The following RHEBL1 variants were observed in gnomAD, a reference collection of about 807,000 sequenced individuals.
RHEBL1 encodes the protein RHEB like 1, also known as GTPase RhebL1.
RHEBL1 carries 22 observed loss-of-function variants against 27.4 expected under a neutral mutation model. The ratio of observed to expected loss-of-function variants is 0.80; its 90% CI spans 0.57 to 1.15. The LOEUF (loss-of-function observed/expected upper bound fraction) is 1.15. Among genes scored for constraint, RHEBL1 ranks in the 50% most tolerant of loss-of-function variants. The probability of loss-of-function intolerance (pLI) is 0.00; values close to 1 mark genes in which losing one functional copy is unlikely to be tolerated. For missense variants in RHEBL1, 186 were observed against 226.5 expected (o/e 0.82, Z 1.15); for synonymous variants, 85 against 80.8 (o/e 1.05, Z -0.28).
chr12:49,066,657 A>G lies in RHEBL1; in HGVS notation c.237T>C (p.His79=). ...TGACAGAATACACAAGCACATAACC[A>G]TGGACCCCAATGATGAATGAATAGG... The part of the protein sequence containing the change: ...ILPYSFIIGV[H]GYVLVYSVTS... The change falls in exon 4 of 8, where the codon CAT becomes CAC. Residue 79 remains histidine (H), a synonymous_variant. Coordinates refer to ENST00000301068, the MANE Select transcript of RHEBL1 (RefSeq NM_144593.3). 1.2e-6 allele frequency: 2 copies of G among 1,614,178 alleles called. No individual in the cohort carries two copies. Among genetic ancestry groups the G allele is most frequent in the Non-Finnish European group, 1.7e-6 (2 of 1,180,008 alleles).
At position 49,066,586 on chromosome 12, in the gene RHEBL1, C is replaced by A. The variant is rs747432276; in HGVS notation, c.275+33G>T. On this transcript the variant is annotated intron_variant, in intron 4 of 7. Transcript: ENST00000301068. ...TTTATGAGACAGTCCTCAGGTTCTC[C>A]CAAGTCCCGCACTCACAACCTTGGT... 18 of 1,613,416 alleles carry A rather than the reference C, an allele frequency of 1.1e-5. No individual in the cohort carries two copies. In the East Asian group the frequency reaches 4.0e-4, roughly 36 times the overall value.
At chr12:49,067,790 A>C (rs1253770166) in intron 2 of RHEBL1, among the ~76,000 whole-genome samples, 17 of 152,196 alleles carry the variant, frequency 1.1e-4, no homozygotes, top group Non-Finnish European at 2.9e-5. Context: ...AAAGAAAAGA[A>C]AAATAAAGTA....
intron 3 of RHEBL1, 54 bp downstream of exon 3, chr12:49,066,914 C>T (rs750224650): frequency 1.2e-4 from 174 of 1,426,466 alleles, no homozygotes; most frequent in Non-Finnish European, 1.6e-4. Flanking sequence ...GACTACCAGA[C>T]TTCATCTCCG....
At chr12:49,068,256 A>C (rs1218214929) in intron 2 of RHEBL1, among the ~76,000 whole-genome samples, 1 of 151,288 alleles carries the variant, frequency 6.6e-6, no homozygotes, top group Non-Finnish European at 1.5e-5. Context: ...CAGCCTCCCG[A>C]GTAGATGGGA....
rs749802586 is a variant in RHEBL1, at chr12:49,066,991, G to A, written c.169C>T (p.His57Tyr). Residue 57 changes from histidine (H) to tyrosine (Y), a missense_variant, in exon 3 of 8, where the codon CAT becomes TAT. His to Tyr is a moderately conservative substitution (Grantham distance 83, BLOSUM62 2). Transcript: ENST00000301068. ...ACCTGCCCTGCTGTGTCCACCAGATGTAGGTGAAACTCATCTTTGCCAAGA... is the reference window on the plus strand; with the variant it reads ...ACCTGCCCTGCTGTGTCCACCAGATATAGGTGAAACTCATCTTTGCCAAGA... ...VTLGKDEFHLHLVDTAGQDEY... is the reference protein window; with the variant it reads ...VTLGKDEFHLYLVDTAGQDEY... 5 of 1,613,836 alleles carry A rather than the reference G, an allele frequency of 3.1e-6. No homozygotes were observed. The highest frequency in any genetic ancestry group is 1.3e-5 in the African/African-American group (1 of 75,010).
intron 1 of RHEBL1, 141 bp downstream of exon 1, chr12:49,069,593 T>A (rs554578849): frequency 3.0e-6 from 2 of 663,540 alleles, no homozygotes; most frequent in Non-Finnish European, 5.3e-6. Context: ...CACTCTTCCA[T>A]TCCTCCACTC....
At chr12:49,068,429 C>CTTTT (rs56316449) in intron 2 of RHEBL1, among the ~76,000 whole-genome samples, 4 of 99,654 alleles carry the variant, frequency 4.0e-5, no homozygotes, top group Non-Finnish European at 5.9e-5. Flanking sequence ...CGGTGCCCAG[C>CTTTT]TTTTTTTTTT....
chr12:49,065,118 G>T lies in RHEBL1; in HGVS notation c.537C>A (p.Arg179=). The change falls in exon 8 of 8, where the codon CGC becomes CGA. Residue 179 remains arginine (R), a synonymous_variant. Coordinates refer to ENST00000301068, the MANE Select transcript of RHEBL1 (RefSeq NM_144593.3). ...RVENSYGQER[R]CHLM Reference sequence around the variant, plus strand: ...ACCCAAGGGCTCACATGAGATGGCAGCGACGCTCTTGCCCATAGGAATTCT... The same window carrying T: ...ACCCAAGGGCTCACATGAGATGGCATCGACGCTCTTGCCCATAGGAATTCT... 1 of 1,613,454 alleles carries T rather than the reference G, an allele frequency of 6.2e-7. No homozygotes were observed. Among genetic ancestry groups the T allele is most frequent in the Non-Finnish European group, 8.5e-7 (1 of 1,179,364 alleles).
intron 6 of RHEBL1, 82 bp from the exon 7 acceptor site, chr12:49,065,513 T>C (rs1192284239): frequency 6.7e-6 from 8 of 1,193,976 alleles, no homozygotes; most frequent in South Asian, 4.9e-5. Context: ...CAAGACTTCC[T>C]GGCCAGGCAC....
rs1166639204 is a variant in RHEBL1 at position 49,064,800 on chromosome 12, G to A, written c.*303C>T. 3 of 311,042 alleles carry A rather than the reference G, an allele frequency of 9.6e-6. No individual in the cohort carries two copies. Among genetic ancestry groups the A allele is most frequent in the African/African-American group, 6.3e-5 (3 of 47,982 alleles). The allele number at this position is 311,042 out of a possible 1,614,324, so 19.3% of individuals were successfully genotyped here. A position where few individuals can be genotyped will look rare whatever the true frequency, so the allele number is the denominator to read the frequency against. On this transcript the variant is annotated 3_prime_UTR_variant, in exon 8 of 8. Transcript: ENST00000301068. ...CACCCAAAACCCACCCAAGAGGATG[G>A]GTCCTGGATAAATAATGCCCAGGAC...
intron 2 of RHEBL1, among the ~76,000 whole-genome samples, chr12:49,068,722 C>T (rs560713724): frequency 1.3e-5 from 2 of 152,316 alleles, no homozygotes; most frequent in African/African-American, 4.8e-5. Context: ...AGGCATGAGC[C>T]ACTGCGCCCA....
At chr12:49,067,083 G>T in intron 2 of RHEBL1, 48 bp from the exon 3 acceptor site, 2 of 1,218,250 alleles carry the variant, frequency 1.6e-6, no homozygotes, top group Non-Finnish European at 2.4e-6. Flanking sequence ...TAGGACCAGC[G>T]ATGTATGTCC....
Position 49,064,800 on chromosome 12 carries a change from G to T in RHEBL1, c.*303C>A. 3.2e-6 allele frequency: 1 copy of T among 311,160 alleles called. No homozygotes were observed. The highest frequency in any genetic ancestry group is 6.0e-6 in the Non-Finnish European group (1 of 165,578). The allele number at this position is 311,160 out of a possible 1,614,324, so 19.3% of individuals were successfully genotyped here. A position where few individuals can be genotyped will look rare whatever the true frequency, so the allele number is the denominator to read the frequency against. On this transcript the variant is annotated 3_prime_UTR_variant, in exon 8 of 8. Coordinates refer to ENST00000301068, the MANE Select transcript of RHEBL1 (RefSeq NM_144593.3). ...CACCCAAAACCCACCCAAGAGGATG[G>T]GTCCTGGATAAATAATGCCCAGGAC... is the stretch of plus-strand genomic sequence containing the variant.
Position 49,065,207 on chromosome 12 carries a change from G to A in RHEBL1, c.463-15C>T. ...CCTTGAGTCAGCTATAAGAGGAGAG[G>A]ATTCAGGGCAAAAGTCAGTTCAGTG... On this transcript the variant is annotated splice_polypyrimidine_tract_variant and intron_variant, in intron 7 of 7. Transcript: ENST00000301068. The A allele has an allele frequency of 1.2e-6, 2 of 1,607,182 alleles. No homozygotes were observed. The highest frequency in any genetic ancestry group is 4.5e-5 in the East Asian group (2 of 44,836).
intron 2 of RHEBL1, among the ~76,000 whole-genome samples, chr12:49,067,686 G>A (rs1299837755): frequency 3.9e-5 from 6 of 152,228 alleles, no homozygotes; most frequent in East Asian, 1.9e-4. Flanking sequence ...AGGGTGAAGC[G>A]TGAGAATTGC....
At position 49,065,081 on chromosome 12, in the gene RHEBL1, C is replaced by T; in HGVS notation, c.*22G>A. On this transcript the variant is annotated 3_prime_UTR_variant, in exon 8 of 8. Transcript: ENST00000301068. Reference sequence around the variant, plus strand: ...GCAAGTGCCGGGGGCAGAAGCAAGGCAGTTACCCCACACCCAAGGGCTCAC... The same window carrying T: ...GCAAGTGCCGGGGGCAGAAGCAAGGTAGTTACCCCACACCCAAGGGCTCAC... 3 of 1,576,636 alleles carry T rather than the reference C, an allele frequency of 1.9e-6. No individual in the cohort carries two copies. The highest frequency in any genetic ancestry group is 2.6e-6 in the Non-Finnish European group (3 of 1,145,966).
At chr12:49,069,669 C>T (rs371926422) in intron 1 of RHEBL1, 65 bp downstream of exon 1, 1 of 1,451,008 alleles carries the variant, frequency 6.9e-7, no homozygotes, top group Non-Finnish European at 9.7e-7. Flanking sequence ...CGCGTTCCCA[C>T]GGCAGCGCGC....
intron 1 of RHEBL1, 72 bp downstream of exon 1, chr12:49,069,662 G>T: frequency 7.2e-7 from 1 of 1,384,282 alleles, no homozygotes; most frequent in Non-Finnish European, 1.0e-6. Context: ...CCTGGGTCGC[G>T]TTCCCACGGC....
chr12:49,067,004 A>G lies in RHEBL1; in HGVS notation c.156T>C (p.Asp52=), dbSNP rs773970114. The G allele has an allele frequency of 3.7e-6, 6 of 1,613,666 alleles. No individual in the cohort carries two copies. In the Admixed American group the frequency reaches 8.3e-5, roughly 22 times the overall value. The change falls in exon 3 of 8, where the codon GAT becomes GAC. Residue 52 remains aspartate (D), a synonymous_variant. Coordinates refer to ENST00000301068, the MANE Select transcript of RHEBL1 (RefSeq NM_144593.3). The part of the protein sequence containing the change: ...TYSKIVTLGK[D]EFHLHLVDTA... The stretch of plus-strand genomic sequence containing the variant: ...TGTCCACCAGATGTAGGTGAAACTC[A>G]TCTTTGCCAAGAGTCACTATCTTGC...
Sources: gnomAD v4.1 joint callset for allele counts (sites outside exome capture counted in the v4.1 genomes callset) on GRCh38, gnomAD v4.1.1 for gene constraint, MANE v1.5 for transcripts, NCBI Gene and HGNC (gene_info 2026-07-23, HGNC 2026-07-21) for gene names.